The following BAIAP2 variants were observed in gnomAD, a reference collection of about 807,000 sequenced individuals.
BAIAP2 encodes BAR/IMD domain containing adaptor protein 2, also known as BAR/IMD domain-containing adapter protein 2.
In BAIAP2, 18 loss-of-function variants were observed where a neutral mutation model predicts 63.0. That is an observed-to-expected ratio of 0.29 (90% CI 0.20 to 0.42). The LOEUF is 0.42. BAIAP2 is among the 10% of genes least tolerant of loss of function. The probability of loss-of-function intolerance (pLI) is 1.00; values close to 1 mark genes in which losing one functional copy is unlikely to be tolerated. For synonymous variants in BAIAP2, 386 were observed against 307.6 expected, an observed-to-expected ratio of 1.25 and a Z score of -2.67; for missense variants, 610 against 734.3, an observed-to-expected ratio of 0.83 and a Z score of 1.96.
chr17:81,113,574 T>A (rs1479157265), intron 13 of BAIAP2, among the ~76,000 whole-genome samples: 1 of 152,136 alleles, frequency 6.6e-6, no homozygotes, highest in African/African-American at 2.4e-5. Context: ...GGGCCTGCTG[T>A]CCCAGCCAGC....
At chr17:81,037,362 C>T (rs1032653967) in intron 1 of BAIAP2, among the ~76,000 whole-genome samples, 5 of 152,202 alleles carry the variant, frequency 3.3e-5, no homozygotes, top group Non-Finnish European at 7.4e-5. Flanking sequence ...TGCACACAGG[C>T]GGGGTTGGTT....
At chr17:81,109,479 T>A in intron 13 of BAIAP2, 1 of 986,076 alleles carries the variant, frequency 1.0e-6, no homozygotes, top group African/African-American at 1.7e-5. Flanking sequence ...TGCGCTGTTA[T>A]CTCGCATCCG....
chr17:81,040,455 A>G (rs952398730), intron 1 of BAIAP2, among the ~76,000 whole-genome samples: 3 of 152,236 alleles, frequency 2.0e-5, no homozygotes, highest in Admixed American at 6.5e-5. Flanking sequence ...CAGCTGCACA[A>G]TGACTTGAGG....
At chr17:81,106,658 A>C in intron 11 of BAIAP2, 87 bp from the exon 12 acceptor site, 1 of 1,514,726 alleles carries the variant, frequency 6.6e-7, no homozygotes, top group East Asian at 2.3e-5. Flanking sequence ...GGGCTAGGTG[A>C]GGGCGGGCAG....
At chr17:81,063,710 C>T (rs559648612) in intron 3 of BAIAP2, 1 of 152,406 alleles carries the variant, frequency 6.6e-6, no homozygotes, top group Non-Finnish European at 1.5e-5. Flanking sequence ...GTGGCTTGCT[C>T]TGGCCCTGAA....
At chr17:81,052,463 G>T (rs1332938807) in intron 1 of BAIAP2, among the ~76,000 whole-genome samples, 2 of 152,234 alleles carry the variant, frequency 1.3e-5, no homozygotes, top group African/African-American at 4.8e-5. Context: ...AACTTGGCCG[G>T]GTGGCGTTAC....
intron 1 of BAIAP2, among the ~76,000 whole-genome samples, chr17:81,050,992 C>T (rs2048592664): frequency 6.6e-6 from 1 of 151,892 alleles, no homozygotes; most frequent in Non-Finnish European, 1.5e-5. Flanking sequence ...TCCCAGCATT[C>T]TCCTCTCTGC....
chr17:81,090,256 C>T (rs1260113894), intron 6 of BAIAP2, among the ~76,000 whole-genome samples: 1 of 152,206 alleles, frequency 6.6e-6, no homozygotes, highest in Non-Finnish European at 1.5e-5. Context: ...AATATCCTGG[C>T]TTTCTCCCTC....
chr17:81,102,466 T>C (rs1288785096), intron 7 of BAIAP2, among the ~76,000 whole-genome samples: 1 of 152,120 alleles, frequency 6.6e-6, no homozygotes, highest in Non-Finnish European at 1.5e-5. Context: ...CTGTGGGCCG[T>C]GCCGTCTCCA....
At position 81,093,396 on chromosome 17, in the gene BAIAP2, G is replaced by A. The variant is rs563798791; in HGVS notation, c.490-6532G>A. On this transcript the variant is annotated intron_variant, in intron 6 of 13. Coordinates refer to ENST00000428708, the MANE Select transcript of BAIAP2 (RefSeq NM_001144888.2). ...GGGGCTTTTCTGGACAGAGATGCCC[G>A]GGGCTACAAGGAGAGCCAGGGTTTC... Among the ~76,000 whole-genome samples the A allele has an allele frequency of 2.1e-3, 303 of 143,762 alleles. 3 individuals are homozygous for A. The Middle Eastern group carries it at 0.028, about 13-fold the overall frequency. 94.3% of individuals were successfully genotyped at this position (143,762 alleles called of 152,430 possible).
intron 3 of BAIAP2, among the ~76,000 whole-genome samples, chr17:81,064,097 G>A (rs540064991): frequency 7.7e-4 from 117 of 152,374 alleles, no homozygotes; most frequent in Non-Finnish European, 5.3e-4. Context: ...GCCATATGGG[G>A]CCAGGGTTGC....
intron 1 of BAIAP2, among the ~76,000 whole-genome samples, chr17:81,048,571 C>T (rs1444000148): frequency 1.3e-5 from 2 of 152,140 alleles, no homozygotes; most frequent in Non-Finnish European, 2.9e-5. Flanking sequence ...CGGCCCGTAG[C>T]ACTGAATCAT....
intron 13 of BAIAP2, among the ~76,000 whole-genome samples, chr17:81,113,584 C>G (rs1174575967): frequency 6.6e-6 from 1 of 152,226 alleles, no homozygotes; most frequent in East Asian, 1.9e-4. Flanking sequence ...TCCCAGCCAG[C>G]CTTGGGCTCT....
intron 5 of BAIAP2, 26 bp from the exon 6 acceptor site, chr17:81,086,415 GTT>G (rs765573261): frequency 5.0e-6 from 8 of 1,611,654 alleles, no homozygotes; most frequent in Admixed American, 3.3e-5. Flanking sequence ...ATGGGCCTTG[GTT>G]TTGTGTTTTA....
intron 1 of BAIAP2, among the ~76,000 whole-genome samples, chr17:81,048,058 G>A (rs2048093510): frequency 1.3e-5 from 2 of 152,232 alleles, no homozygotes; most frequent in African/African-American, 2.4e-5. Flanking sequence ...CTGGAGAGGC[G>A]GCCAGCGTCA....
intron 1 of BAIAP2, among the ~76,000 whole-genome samples, chr17:81,050,816 C>T (rs527727759): frequency 2.0e-5 from 3 of 149,356 alleles, no homozygotes; most frequent in African/African-American, 7.3e-5. Context: ...TGAGCACACG[C>T]ACACCAGAAC....
chr17:81,111,141 C>A (rs1044752056), intron 13 of BAIAP2, among the ~76,000 whole-genome samples: 2 of 152,206 alleles, frequency 1.3e-5, no homozygotes, highest in African/African-American at 4.8e-5. Context: ...TCCTTGGGTT[C>A]ATGGTATCTT....
intron 3 of BAIAP2, among the ~76,000 whole-genome samples, chr17:81,074,118 A>G (rs963972832): frequency 2.6e-5 from 4 of 152,168 alleles, no homozygotes; most frequent in African/African-American, 9.7e-5. Flanking sequence ...TGAGAGGAGG[A>G]TGCGTCTGTG....
At chr17:81,051,207 T>C (rs772702381) in intron 1 of BAIAP2, among the ~76,000 whole-genome samples, 3 of 151,906 alleles carry the variant, frequency 2.0e-5, no homozygotes, top group African/African-American at 2.4e-5. Flanking sequence ...GACAGAGGCC[T>C]GCGTGGTACG....
Sources: allele counts gnomAD v4.1 joint callset (sites outside exome capture counted in the v4.1 genomes callset), GRCh38; gene constraint gnomAD v4.1.1; transcripts MANE v1.5; gene names NCBI Gene and HGNC (gene_info 2026-07-23, HGNC 2026-07-21).